DNAH14: variants seen among roughly 807,000 people sequenced by gnomAD.
DNAH14 encodes dynein axonemal heavy chain 14.
Under a neutral mutation model 520.9 loss-of-function variants are expected in DNAH14, and 478 were observed. That is an observed-to-expected ratio of 0.92 (90% CI 0.85 to 0.99). The LOEUF (loss-of-function observed/expected upper bound fraction) is 0.99. Among genes scored for constraint, DNAH14 ranks in the 50% least tolerant of loss-of-function variants. DNAH14 has a pLI of 0.00. For synonymous variants in DNAH14, 1,581 were observed against 1,757.2 expected (o/e 0.90, Z 2.51); for missense variants, 4,831 against 5,234.5 (o/e 0.92, Z 2.38).
chr1:225,177,814 G>C (rs1465728205), intron 36 of DNAH14, among the ~76,000 whole-genome samples: 1 of 152,176 alleles, frequency 6.6e-6, no homozygotes, highest in Non-Finnish European at 1.5e-5. Context: ...CCTCTGCTAG[G>C]GTAGTGCAGA....
At chr1:225,021,019 A>T (rs1322958410) in intron 10 of DNAH14, among the ~76,000 whole-genome samples, 1 of 152,224 alleles carries the variant, frequency 6.6e-6, no homozygotes, top group African/African-American at 2.4e-5. Context: ...AGTGTGATTT[A>T]TTATGTAATC....
intron 66 of DNAH14, among the ~76,000 whole-genome samples, chr1:225,334,713 A>G (rs1357350891): frequency 6.6e-6 from 1 of 151,920 alleles, no homozygotes; most frequent in African/African-American, 2.4e-5. Flanking sequence ...AATCATTGCA[A>G]TGATTGCACA....
intron 41 of DNAH14, among the ~76,000 whole-genome samples, chr1:225,224,854 G>A (rs2090390312): frequency 6.6e-6 from 1 of 152,258 alleles, no homozygotes; most frequent in Non-Finnish European, 1.5e-5. Flanking sequence ...GTTAGTGACT[G>A]TGCTTACTGT....
At chr1:225,267,451 G>A (rs888514663) in intron 49 of DNAH14, among the ~76,000 whole-genome samples, 2 of 151,666 alleles carry the variant, frequency 1.3e-5, no homozygotes, top group East Asian at 1.9e-4. Flanking sequence ...CCACCACCAC[G>A]CCCAGCTAGT....
At chr1:225,118,699 A>G (rs1159393786) in intron 25 of DNAH14, among the ~76,000 whole-genome samples, 3 of 152,086 alleles carry the variant, frequency 2.0e-5, no homozygotes, top group African/African-American at 7.2e-5. Context: ...CCTGACTAAC[A>G]TGGTGAAACC....
Position 225,274,194 on chromosome 1 carries a change from GTTATTTTTTT to G in DNAH14, c.8010+1072_8010+1081del, listed in dbSNP as rs1483349287. 2.5e-5 allele frequency among the ~76,000 whole-genome samples: 3 copies of G among 120,352 alleles called. 1 individual carries two copies. The South Asian group carries it at 8.0e-4, about 32-fold the overall frequency. 79.0% of individuals were successfully genotyped at this position (120,352 alleles called of 152,430 possible). The stretch of plus-strand genomic sequence containing the variant: ...TTTCTCTGCATCCTCACCAGCATCT[GTTATTTTTTT>G]TTTTTTTTTTTTTTTTTTGAGACGG... On this transcript the variant is annotated intron_variant, in intron 52 of 85. Transcript: ENST00000682510.
chr1:225,351,477 T>C (rs1380651906), intron 71 of DNAH14, among the ~76,000 whole-genome samples, 170 bp from the exon 72 acceptor site: 1 of 152,232 alleles, frequency 6.6e-6, no homozygotes, highest in Non-Finnish European at 1.5e-5. Context: ...GTAATTTTTA[T>C]ATAAAGTAGC....
chr1:225,315,830 G>A (rs1006074318), intron 60 of DNAH14, among the ~76,000 whole-genome samples: 1 of 152,194 alleles, frequency 6.6e-6, no homozygotes, highest in East Asian at 1.9e-4. Context: ...AGGGGCACCT[G>A]CCAGATGCCA....
At chr1:225,398,442 G>C in intron 84 of DNAH14, 78 bp from the exon 85 acceptor site, 2 of 1,497,386 alleles carry the variant, frequency 1.3e-6, no homozygotes, top group Non-Finnish European at 1.8e-6. Flanking sequence ...TGGATCGGTC[G>C]GCTCAATTCC....
intron 17 of DNAH14, among the ~76,000 whole-genome samples, chr1:225,067,292 T>C (rs1016275317): frequency 6.6e-6 from 1 of 152,164 alleles, no homozygotes. Context: ...GCACAGAACA[T>C]GATCTCATTC....
chr1:225,210,060 C>T (rs1222418334), intron 41 of DNAH14, among the ~76,000 whole-genome samples: 8 of 152,170 alleles, frequency 5.3e-5, no homozygotes, highest in Middle Eastern at 3.4e-3. Context: ...GTTTCAAGCA[C>T]GAAACTGGGT....
rs1293663966 is a variant in DNAH14, at chr1:225,232,878, T to G, written c.6518+1727T>G. Among the ~76,000 whole-genome samples, 1 of 152,140 alleles carries G rather than the reference T, an allele frequency of 6.6e-6. No homozygotes were observed. Among genetic ancestry groups the G allele is most frequent in the East Asian group, 1.9e-4 (1 of 5,196 alleles). Reference sequence around the variant, plus strand: ...CATAGGTAAATGTGTGCCATGGTGGTTTGCTGCACAGATCATGCCATCACC... The same window carrying G: ...CATAGGTAAATGTGTGCCATGGTGGGTTGCTGCACAGATCATGCCATCACC... On this transcript the variant is annotated intron_variant, in intron 42 of 85. Transcript: ENST00000682510. This position sits in a 1 kb window ranked among gnomAD's most constrained non-coding sequence, Gnocchi z 4.2.
chr1:225,387,249 AG>A (rs2095852325), intron 81 of DNAH14, among the ~76,000 whole-genome samples: 1 of 147,194 alleles, frequency 6.8e-6, no homozygotes, highest in African/African-American at 2.5e-5. Context: ...TGTGGGGGGG[AG>A]GGGGAGGGAT....
intron 7 of DNAH14, chr1:224,969,221 T>C (rs965008434): frequency 2.1e-5 from 4 of 192,718 alleles, no homozygotes; most frequent in Admixed American, 6.4e-5. Flanking sequence ...TTTTAGTCTC[T>C]TTGGATAAAT....
At chr1:224,939,354 T>C (rs1416741216) in intron 1 of DNAH14, among the ~76,000 whole-genome samples, 1 of 152,130 alleles carries the variant, frequency 6.6e-6, no homozygotes, top group Non-Finnish European at 1.5e-5. Flanking sequence ...TCATCATTGA[T>C]CTTGGCATGG....
chr1:225,155,008 A>G lies in DNAH14; in HGVS notation c.5273+1182A>G, dbSNP rs77449970. ...GATAGTTCTTGGAAAAAGAAATATG[A>G]AAGTGCCTTAAATATATGAAAATAC... On this transcript the variant is annotated intron_variant, in intron 34 of 85. Coordinates refer to ENST00000682510, the MANE Select transcript of DNAH14 (RefSeq NM_001367479.1). Among the ~76,000 whole-genome samples the G allele has an allele frequency of 3.9e-3, 591 of 152,234 alleles. 5 individuals are homozygous for G. Among genetic ancestry groups the G allele is most frequent in the African/African-American group, 0.013 (559 of 41,562 alleles).
At chr1:225,066,204 G>A (rs1319868015) in intron 17 of DNAH14, among the ~76,000 whole-genome samples, 3 of 151,858 alleles carry the variant, frequency 2.0e-5, no homozygotes, top group East Asian at 3.9e-4. Context: ...TTTTCTTTCT[G>A]TAAAGGTATT....
chr1:224,964,209 C>G (rs1429642891), intron 4 of DNAH14, among the ~76,000 whole-genome samples: 3 of 152,086 alleles, frequency 2.0e-5, no homozygotes, highest in Admixed American at 6.6e-5. Context: ...TAACCAGTTC[C>G]TATTCCTAGT....
chr1:225,071,550 C>T (rs1400666082), intron 17 of DNAH14, among the ~76,000 whole-genome samples: 2 of 152,180 alleles, frequency 1.3e-5, no homozygotes, highest in Admixed American at 1.3e-4. Context: ...GAGAGCTCCA[C>T]TGTTAATCTG....
Sources: allele counts gnomAD v4.1 joint callset (sites outside exome capture counted in the v4.1 genomes callset), GRCh38; gene constraint gnomAD v4.1.1; non-coding constraint Gnocchi (gnomAD v3.1); transcripts MANE v1.5; gene names NCBI Gene and HGNC (gene_info 2026-07-23, HGNC 2026-07-21).